The following ZNF215 variants were observed in gnomAD, a reference collection of about 807,000 sequenced individuals.
ZNF215 encodes the protein BWSCR2-associated zinc finger protein 2.
Under a neutral mutation model 27.2 loss-of-function variants are expected in ZNF215, and 24 were observed. The ratio of observed to expected loss-of-function variants is 0.88; its 90% CI spans 0.64 to 1.24. The LOEUF (loss-of-function observed/expected upper bound fraction) is 1.24, where lower values mean the gene tolerates loss of function less well. Among genes scored for constraint, ZNF215 ranks in the 50% most tolerant of loss-of-function variants. The probability of loss-of-function intolerance (pLI) is 0.00; values close to 1 mark genes in which losing one functional copy is unlikely to be tolerated. For synonymous variants in ZNF215, 210 were observed against 204.0 expected, an observed-to-expected ratio of 1.03 and a Z score of -0.25; for missense variants, 675 against 605.7, an observed-to-expected ratio of 1.11 and a Z score of -1.20.
intron 3 of ZNF215, among the ~76,000 whole-genome samples, chr11:6,936,746 A>G (rs1426540718): frequency 1.3e-5 from 2 of 152,034 alleles, no homozygotes; most frequent in East Asian, 3.8e-4. Flanking sequence ...AGTGGGATTG[A>G]TCCCAGAAAT....
At chr11:6,980,765 C>T (rs1029293803) in intron 5 of ZNF215, among the ~76,000 whole-genome samples, 25 of 117,352 alleles carry the variant, frequency 2.1e-4, no homozygotes, top group African/African-American at 7.5e-4. Context: ...CCCCCTCCCC[C>T]CACCCCACAA....
chr11:6,976,980 CCTT>C (rs1309310073), intron 5 of ZNF215, among the ~76,000 whole-genome samples: 3 of 151,980 alleles, frequency 2.0e-5, no homozygotes, highest in Non-Finnish European at 2.9e-5. Flanking sequence ...CTGTTCTTCA[CCTT>C]CTCTAGCTGG....
chr11:6,937,486 CTTTTTTTTTTTTT>C (rs57676890), intron 3 of ZNF215, among the ~76,000 whole-genome samples: 2 of 118,918 alleles, frequency 1.7e-5, no homozygotes, highest in African/African-American at 6.7e-5. Flanking sequence ...ATCTCAGCTG[CTTTTTTTTTTTTT>C]TTTTTTTTTT....
chr11:6,950,616 C>T (rs1850015973), intron 6 of ZNF215, among the ~76,000 whole-genome samples: 1 of 151,250 alleles, frequency 6.6e-6, no homozygotes, highest in South Asian at 2.1e-4. Context: ...TGCTTATCAG[C>T]TTAAGGAGAT....
At chr11:6,962,162 T>G (rs1298056868), downstream of ZNF215, among the ~76,000 whole-genome samples, 1 of 152,190 alleles carries the variant, frequency 6.6e-6, no homozygotes, top group African/African-American at 2.4e-5. Context: ...TTTTTTTGTT[T>G]GTTTGCTTTT....
chr11:6,965,536 G>A (rs542612107), intron 5 of ZNF215, among the ~76,000 whole-genome samples: 2 of 152,058 alleles, frequency 1.3e-5, no homozygotes, highest in Admixed American at 6.6e-5. Context: ...TAAAAATACT[G>A]TGTCTTGCAA....
chr11:6,958,099 A>G, downstream of ZNF215: 1 of 975,652 alleles, frequency 1.0e-6, no homozygotes. Flanking sequence ...ACAAAGCCCT[A>G]CATAAGTAAT....
intron 6 of ZNF215, among the ~76,000 whole-genome samples, chr11:6,944,925 T>G (rs931941897): frequency 3.9e-5 from 6 of 152,180 alleles, no homozygotes; most frequent in African/African-American, 1.4e-4. Context: ...CATAATACAT[T>G]TAACCATTCC....
At position 6,957,852 on chromosome 11, in the gene ZNF215, T is replaced by C. The variant is rs1401020847; in HGVS notation, c.*1321T>C. The stretch of plus-strand genomic sequence containing the variant: ...TCCTATACTCTGTACACCAGAACTG[T>C]GTCTTCTGTAAACTACCTCAGGATC... On this transcript the variant is annotated 3_prime_UTR_variant, in exon 7 of 7. Coordinates refer to ENST00000278319, the MANE Select transcript of ZNF215 (RefSeq NM_013250.4). 3 of 985,312 alleles carry C rather than the reference T, an allele frequency of 3.0e-6. No individual in the cohort carries two copies. In the East Asian group the frequency reaches 3.4e-4, roughly 112 times the overall value. 61.0% of individuals were successfully genotyped at this position (985,312 alleles called of 1,614,324 possible). A position where few individuals can be genotyped will look rare whatever the true frequency, so the allele number is the denominator to read the frequency against.
chr11:6,946,066 T>C (rs1849805442), intron 6 of ZNF215, among the ~76,000 whole-genome samples: 2 of 152,086 alleles, frequency 1.3e-5, no homozygotes, highest in Non-Finnish European at 2.9e-5. Flanking sequence ...CACAACTTCT[T>C]CTCCTTCACT....
At chr11:6,971,224 T>C (rs1484512857) in intron 5 of ZNF215, among the ~76,000 whole-genome samples, 1 of 152,166 alleles carries the variant, frequency 6.6e-6, no homozygotes, top group African/African-American at 2.4e-5. Context: ...CCTCATTGCC[T>C]AGCACAGTGT....
chr11:6,980,716 G>A (rs1000012320), intron 5 of ZNF215, among the ~76,000 whole-genome samples: 2 of 149,312 alleles, frequency 1.3e-5, no homozygotes, highest in East Asian at 2.0e-4. Context: ...CCATTAACTC[G>A]TCATTTAGCA....
chr11:6,956,720 C>T lies in ZNF215; in HGVS notation c.*189C>T, dbSNP rs1006003599. On this transcript the variant is annotated 3_prime_UTR_variant, in exon 7 of 7. Transcript: ENST00000278319. ...TAGAAATCTGTTTGAAGGAATTTTCCTGGTTTTCAGATGAAGCCATAAGGC... is the reference window on the plus strand; with the variant it reads ...TAGAAATCTGTTTGAAGGAATTTTCTTGGTTTTCAGATGAAGCCATAAGGC... 20 of 1,378,176 alleles carry T rather than the reference C, an allele frequency of 1.5e-5. No homozygotes were observed. The East Asian group carries it at 4.9e-4, about 34-fold the overall frequency. 85.4% of individuals were successfully genotyped at this position (1,378,176 alleles called of 1,614,324 possible).
chr11:6,956,986 C>T lies in ZNF215; in HGVS notation c.*455C>T, dbSNP rs1850385395. On this transcript the variant is annotated 3_prime_UTR_variant, in exon 7 of 7. Transcript: ENST00000278319. ...TAGCTCATGCGAATATAAGAGAATACTTCTAAGGACAGAAATCTCTGAATC... is the reference window on the plus strand; with the variant it reads ...TAGCTCATGCGAATATAAGAGAATATTTCTAAGGACAGAAATCTCTGAATC... 2.0e-6 allele frequency: 2 copies of T among 987,648 alleles called. No homozygotes were observed. Among genetic ancestry groups the T allele is most frequent in the Non-Finnish European group, 2.4e-6 (2 of 831,368 alleles). The allele number at this position is 987,648 out of a possible 1,614,324, so 61.2% of individuals were successfully genotyped here. A position where few individuals can be genotyped will look rare whatever the true frequency, so the allele number is the denominator to read the frequency against.
downstream of ZNF215, among the ~76,000 whole-genome samples, chr11:6,989,451 AC>A (rs1851095387): frequency 6.6e-6 from 1 of 152,136 alleles, no homozygotes; most frequent in African/African-American, 2.4e-5. Flanking sequence ...GACACTGAAC[AC>A]CTACCTGGAA....
intron 5 of ZNF215, among the ~76,000 whole-genome samples, chr11:6,982,966 G>C (rs2133357240): frequency 6.7e-6 from 1 of 149,720 alleles, no homozygotes; most frequent in Admixed American, 6.7e-5. Flanking sequence ...AGTGAATCCA[G>C]GAGCTGGTTT....
intron 3 of ZNF215, among the ~76,000 whole-genome samples, chr11:6,937,434 C>G (rs1011142635): frequency 6.6e-6 from 1 of 150,562 alleles, no homozygotes. Flanking sequence ...AGATAACACT[C>G]CCCCAAAGCA....
chr11:6,957,669 G>A lies in ZNF215; in HGVS notation c.*1138G>A. On this transcript the variant is annotated 3_prime_UTR_variant, in exon 7 of 7. Coordinates refer to ENST00000278319, the MANE Select transcript of ZNF215 (RefSeq NM_013250.4). ...GTATCCATTAGTCTATGGTAAAATT[G>A]GTTTTGTTATACATCATTTCACTTA... 1.2e-6 allele frequency: 1 copy of A among 816,352 alleles called. No homozygotes were observed. The highest frequency in any genetic ancestry group is 1.5e-6 in the Non-Finnish European group (1 of 676,070). The allele number at this position is 816,352 out of a possible 1,614,324, so 50.6% of individuals were successfully genotyped here.
chr11:6,960,647 T>C (rs552609178), downstream of ZNF215, among the ~76,000 whole-genome samples: 2 of 152,104 alleles, frequency 1.3e-5, no homozygotes, highest in Admixed American at 1.3e-4. Flanking sequence ...TTTAGAGAGT[T>C]GTAACCCAGG....
Sources: allele counts gnomAD v4.1 joint callset (sites outside exome capture counted in the v4.1 genomes callset), GRCh38; gene constraint gnomAD v4.1.1; transcripts MANE v1.5; gene names NCBI Gene and HGNC (gene_info 2026-07-23, HGNC 2026-07-21).